Variants in DCAF1 observed in about 807,000 individuals in gnomAD.
DCAF1 encodes DDB1 and CUL4 associated factor 1, also known as DDB1- and CUL4-associated factor 1.
A neutral mutation model predicts 128.0 loss-of-function variants in DCAF1; 15 were observed. That is an observed-to-expected ratio of 0.12 (90% CI 0.08 to 0.18). DCAF1 has a LOEUF of 0.18. Among genes scored for constraint, DCAF1 ranks in the 10% least tolerant of loss-of-function variants. The pLI, the probability that DCAF1 is intolerant of heterozygous loss-of-function variation, is 1.00. For missense variants in DCAF1, 988 were observed against 1,649.5 expected (o/e 0.60, Z 6.95); for synonymous variants, 610 against 603.0 (o/e 1.01, Z -0.17).
chr3:51,476,755 G>A (rs1705507340), intron 3 of DCAF1, among the ~76,000 whole-genome samples: 2 of 151,354 alleles, frequency 1.3e-5, no homozygotes, highest in South Asian at 4.2e-4. Flanking sequence ...GCGGGTGCCT[G>A]TAATCCCAGA....
At chr3:51,500,414 C>A (rs1255621219), upstream of DCAF1, among the ~76,000 whole-genome samples, 1 of 152,248 alleles carries the variant, frequency 6.6e-6, no homozygotes, top group East Asian at 1.9e-4. Flanking sequence ...CGCAAAGAGC[C>A]TCTGTTTTAT....
At chr3:51,410,670 G>C (rs184564839) in intron 23 of DCAF1, among the ~76,000 whole-genome samples, 1 of 152,308 alleles carries the variant, frequency 6.6e-6, no homozygotes, top group Non-Finnish European at 1.5e-5. Context: ...TATTTTAAAT[G>C]TAAGTACAAG....
chr3:51,481,562 G>A (rs899926816), intron 3 of DCAF1, among the ~76,000 whole-genome samples: 1 of 151,916 alleles, frequency 6.6e-6, no homozygotes, highest in African/African-American at 2.4e-5. Context: ...GAGCATGGTG[G>A]CTTATGCCTG....
intron 6 of DCAF1, among the ~76,000 whole-genome samples, chr3:51,449,459 G>A (rs1026744358): frequency 2.6e-5 from 4 of 152,146 alleles, no homozygotes; most frequent in African/African-American, 9.7e-5. Flanking sequence ...CACTCATCTC[G>A]GCCTCCCAAA....
intron 22 of DCAF1, among the ~76,000 whole-genome samples, 178 bp downstream of exon 22, chr3:51,412,815 C>T (rs1333838556): frequency 1.3e-5 from 2 of 152,118 alleles, no homozygotes; most frequent in African/African-American, 4.8e-5. Context: ...GATTTTCTTA[C>T]TATTTCTCTT....
intron 2 of DCAF1, among the ~76,000 whole-genome samples, chr3:51,491,767 T>G (rs1208367841): frequency 1.3e-5 from 2 of 150,408 alleles, no homozygotes; most frequent in African/African-American, 4.9e-5. Flanking sequence ...ACTGCTTGAA[T>G]CCAGGAGGCG....
At chr3:51,452,783 G>T (rs782247458) in intron 6 of DCAF1, among the ~76,000 whole-genome samples, 32 of 152,030 alleles carry the variant, frequency 2.1e-4, no homozygotes, top group Non-Finnish European at 2.6e-4. Context: ...AGGCTGAGGT[G>T]GGCGAATCAT....
intron 23 of DCAF1, among the ~76,000 whole-genome samples, chr3:51,406,434 G>GTT (rs564768373): frequency 2.1e-5 from 3 of 140,518 alleles, no homozygotes; most frequent in Non-Finnish European, 3.1e-5. Flanking sequence ...CAGGGATATT[G>GTT]TTTTTTTTTT....
intron 12 of DCAF1, 123 bp downstream of exon 12, chr3:51,429,138 C>T (rs935442057): frequency 3.1e-6 from 2 of 638,628 alleles, no homozygotes; most frequent in South Asian, 3.6e-5. Context: ...TGCCTTCATA[C>T]AGGGAAGTAT....
chr3:51,489,512 G>C (rs1439368213), intron 2 of DCAF1, among the ~76,000 whole-genome samples: 2 of 151,850 alleles, frequency 1.3e-5, no homozygotes, highest in African/African-American at 2.4e-5. Context: ...ATATAGGCTG[G>C]GCAAGGTGGC....
chr3:51,402,566 A>ATTTTT (rs540396047), intron 24 of DCAF1, among the ~76,000 whole-genome samples: 2,531 of 84,938 alleles, frequency 0.03, 182 homozygotes, highest in Middle Eastern at 0.054. Flanking sequence ...CCTACAAAGC[A>ATTTTT]TTTTTTTTTT....
intron 6 of DCAF1, among the ~76,000 whole-genome samples, chr3:51,445,210 T>C (rs548854973): frequency 6.6e-6 from 1 of 152,300 alleles, no homozygotes; most frequent in South Asian, 2.1e-4. Flanking sequence ...AAACCTCCCA[T>C]GTGCCCCTCC....
chr3:51,400,551 G>A (rs1287637014), intron 24 of DCAF1, among the ~76,000 whole-genome samples: 1 of 152,172 alleles, frequency 6.6e-6, no homozygotes, highest in Non-Finnish European at 1.5e-5. Flanking sequence ...GTAACTGTCA[G>A]GCTCAAGGTC....
chr3:51,501,403 T>C (rs149235471), upstream of DCAF1, among the ~76,000 whole-genome samples: 200 of 152,196 alleles, frequency 1.3e-3, no homozygotes, highest in African/African-American at 4.4e-3. Flanking sequence ...TGACCCACAG[T>C]TGAGCAGAAT....
intron 4 of DCAF1, among the ~76,000 whole-genome samples, 170 bp from the exon 5 acceptor site, chr3:51,467,046 G>T (rs1038025293): frequency 2.6e-5 from 4 of 152,014 alleles, no homozygotes; most frequent in African/African-American, 9.7e-5. Flanking sequence ...TAAGAAACAT[G>T]CTTTAGGCCA....
upstream of DCAF1, among the ~76,000 whole-genome samples, chr3:51,502,755 C>T (rs1708849547): frequency 6.6e-6 from 1 of 151,876 alleles, no homozygotes; most frequent in African/African-American, 2.4e-5. Context: ...CTGCAGCCTC[C>T]TCTACCCCTG....
intron 2 of DCAF1, among the ~76,000 whole-genome samples, chr3:51,495,863 G>A (rs1489610414): frequency 6.6e-6 from 1 of 152,138 alleles, no homozygotes; most frequent in African/African-American, 2.4e-5. Context: ...TTGGCTCACT[G>A]CAACCTGTAG....
At chr3:51,465,128 T>A in intron 5 of DCAF1, among the ~76,000 whole-genome samples, 1 of 152,152 alleles carries the variant, frequency 6.6e-6, no homozygotes, top group Non-Finnish European at 1.5e-5. Flanking sequence ...TAAACGGTGG[T>A]CTAGCTAAAC....
chr3:51,462,799 A>G (rs1316717613), intron 6 of DCAF1, among the ~76,000 whole-genome samples: 4 of 151,894 alleles, frequency 2.6e-5, no homozygotes, highest in East Asian at 3.9e-4. Context: ...ATTTGTCAAA[A>G]TAACTATTTT....
Sources: gnomAD v4.1 joint callset for allele counts (sites outside exome capture counted in the v4.1 genomes callset) on GRCh38, gnomAD v4.1.1 for gene constraint, MANE v1.5 for transcripts, NCBI Gene and HGNC (gene_info 2026-07-23, HGNC 2026-07-21) for gene names.